The following OLFM3 variants were observed in gnomAD, a reference collection of about 807,000 sequenced individuals.
The protein encoded by OLFM3 is olfactomedin 3, also known as noelin-3.
In OLFM3, 20 loss-of-function variants were observed where a neutral mutation model predicts 48.6. That is an observed-to-expected ratio of 0.41 (90% CI 0.29 to 0.60). The LOEUF (loss-of-function observed/expected upper bound fraction) is 0.60. Among genes scored for constraint, OLFM3 ranks in the 20% least tolerant of loss-of-function variants. The pLI is 0.28. For synonymous variants in OLFM3, 222 were observed against 198.1 expected, an observed-to-expected ratio of 1.12 and a Z score of -1.01; for missense variants, 437 against 544.3, an observed-to-expected ratio of 0.80 and a Z score of 1.96.
chr1:101,884,404 A>G lies in OLFM3; in HGVS notation c.70-47379T>C, dbSNP rs184562295. On this transcript the variant is annotated intron_variant, in intron 1 of 5. Coordinates refer to ENST00000370103, the MANE Select transcript of OLFM3 (RefSeq NM_058170.4). ...GGCAGCAGATAAGTTCCCAGGCACCATTAAGAAAATTGTTGAGAAAAAAGG... is the reference window on the plus strand; with the variant it reads ...GGCAGCAGATAAGTTCCCAGGCACCGTTAAGAAAATTGTTGAGAAAAAAGG... Among the ~76,000 whole-genome samples, 25 of 152,078 alleles carry G rather than the reference A, an allele frequency of 1.6e-4. No homozygotes were observed. In the East Asian group the frequency reaches 2.1e-3, roughly 13 times the overall value.
chr1:101,889,687 A>C (rs2101002996), intron 1 of OLFM3, among the ~76,000 whole-genome samples: 1 of 152,164 alleles, frequency 6.6e-6, no homozygotes, highest in South Asian at 2.1e-4. Context: ...GCATGTAATA[A>C]ATTTGTATAT....
intron 1 of OLFM3, among the ~76,000 whole-genome samples, chr1:101,880,810 T>A (rs1657495741): frequency 6.6e-6 from 1 of 151,836 alleles, no homozygotes; most frequent in Admixed American, 6.6e-5. Context: ...ATATGTTGCA[T>A]CCTGTGCCTC....
chr1:101,883,849 A>G (rs1309981749), intron 1 of OLFM3, among the ~76,000 whole-genome samples: 9 of 152,004 alleles, frequency 5.9e-5, no homozygotes. Context: ...CATGACATTC[A>G]TAATATTTAG....
chr1:101,821,312 A>C (rs1654596843), intron 4 of OLFM3, among the ~76,000 whole-genome samples: 1 of 152,084 alleles, frequency 6.6e-6, no homozygotes, highest in Admixed American at 6.6e-5. Context: ...TTTCTTCTGC[A>C]ATTGTCTATA....
chr1:101,916,115 T>C (rs1658916438), intron 1 of OLFM3, among the ~76,000 whole-genome samples: 1 of 152,180 alleles, frequency 6.6e-6, no homozygotes, highest in South Asian at 2.1e-4. Flanking sequence ...GAAATATTTA[T>C]TAAACATTTG....
chr1:101,807,729 A>G (rs1653846958), intron 4 of OLFM3, among the ~76,000 whole-genome samples: 1 of 151,814 alleles, frequency 6.6e-6, no homozygotes, highest in Non-Finnish European at 1.5e-5. Flanking sequence ...TTTTTGTAAA[A>G]GAAATCAAAT....
chr1:101,983,408 T>C (rs1323018584), intron 1 of OLFM3, among the ~76,000 whole-genome samples: 8 of 152,246 alleles, frequency 5.3e-5, no homozygotes, highest in Admixed American at 5.2e-4. Context: ...CCTTGTGTCT[T>C]ATACAGGTTT....
At chr1:101,837,448 A>G (rs1024226247) in intron 1 of OLFM3, among the ~76,000 whole-genome samples, 1 of 152,200 alleles carries the variant, frequency 6.6e-6, no homozygotes. Context: ...CATGTGTGAT[A>G]TTCTGAAACA....
chr1:101,966,149 T>G (rs192797195), intron 1 of OLFM3, among the ~76,000 whole-genome samples: 68 of 152,248 alleles, frequency 4.5e-4, no homozygotes, highest in Admixed American at 1.4e-3. Context: ...CATATGTTTT[T>G]TATTTTTCTT....
chr1:101,953,749 A>G (rs566025443), intron 1 of OLFM3, among the ~76,000 whole-genome samples: 73 of 152,150 alleles, frequency 4.8e-4, no homozygotes, highest in Non-Finnish European at 9.0e-4. Context: ...TACCCTTCAC[A>G]TACTTTTGTG....
chr1:101,945,068 C>G (rs1055423002), intron 1 of OLFM3, among the ~76,000 whole-genome samples: 12 of 152,090 alleles, frequency 7.9e-5, no homozygotes, highest in African/African-American at 2.9e-4. Context: ...TGTAGAAAAA[C>G]TGGAACTCTC....
intron 1 of OLFM3, among the ~76,000 whole-genome samples, chr1:101,913,921 T>C (rs1426836671): frequency 6.6e-6 from 1 of 152,146 alleles, no homozygotes; most frequent in African/African-American, 2.4e-5. Flanking sequence ...ATCTAGACCT[T>C]GCTCAGAGAA....
At chr1:101,826,129 AACACACACACACACACACACACAC>A (rs66617960) in intron 3 of OLFM3, among the ~76,000 whole-genome samples, 1 of 132,986 alleles carries the variant, frequency 7.5e-6, no homozygotes, top group African/African-American at 2.9e-5. Context: ...ACTTTCGTCA[AACACACACACACACACACACACAC>A]ACACACACAC....
chr1:101,910,169 T>C, intron 1 of OLFM3: 1 of 983,936 alleles, frequency 1.0e-6, no homozygotes, highest in African/African-American at 1.7e-5. Flanking sequence ...TCTATCATGT[T>C]AAAAAGCACA....
chr1:101,938,098 T>C (rs1280585579), intron 1 of OLFM3, among the ~76,000 whole-genome samples: 1 of 152,214 alleles, frequency 6.6e-6, no homozygotes, highest in Non-Finnish European at 1.5e-5. Context: ...AAATCAAATA[T>C]TTTTCATTGT....
At chr1:101,975,605 C>A (rs561296363) in intron 1 of OLFM3, among the ~76,000 whole-genome samples, 9 of 152,148 alleles carry the variant, frequency 5.9e-5, no homozygotes, top group African/African-American at 2.2e-4. Flanking sequence ...TTGCAGCCAG[C>A]AAAATGTCAT....
chr1:101,807,956 T>C (rs1285178019), intron 4 of OLFM3, among the ~76,000 whole-genome samples: 7 of 151,922 alleles, frequency 4.6e-5, no homozygotes, highest in Non-Finnish European at 8.8e-5. Context: ...GTTAATCATA[T>C]TCTGAATGGT....
chr1:101,922,172 C>T (rs574470289), intron 1 of OLFM3, among the ~76,000 whole-genome samples: 1 of 152,272 alleles, frequency 6.6e-6, no homozygotes, highest in East Asian at 1.9e-4. Flanking sequence ...AGTTGTGTGC[C>T]TTGGGAAAGT....
intron 1 of OLFM3, among the ~76,000 whole-genome samples, chr1:101,961,731 T>C (rs1660473490): frequency 6.6e-6 from 1 of 152,148 alleles, no homozygotes; most frequent in South Asian, 2.1e-4. Context: ...AGATAACCAA[T>C]ATGTTTTCAT....
Sources: gnomAD v4.1 joint callset for allele counts (sites outside exome capture counted in the v4.1 genomes callset) on GRCh38, gnomAD v4.1.1 for gene constraint, MANE v1.5 for transcripts, NCBI Gene and HGNC (gene_info 2026-07-23, HGNC 2026-07-21) for gene names.